The following ADGRL2 variants were observed in gnomAD, a reference collection of about 807,000 sequenced individuals.
The protein encoded by ADGRL2 is calcium-independent alpha-latrotoxin receptor 2.
ADGRL2 carries 44 observed loss-of-function variants against 157.4 expected under a neutral mutation model. The observed-to-expected ratio is 0.28, with a 90% CI of 0.22 to 0.36. ADGRL2 has a LOEUF of 0.36. Among genes scored for constraint, ADGRL2 ranks in the 10% least tolerant of loss-of-function variants. The pLI, the probability that ADGRL2 is intolerant of heterozygous loss-of-function variation, is 1.00. For missense variants in ADGRL2, 1,510 were observed against 1,768.9 expected (o/e 0.85, Z 2.63); for synonymous variants, 585 against 624.7 (o/e 0.94, Z 0.95).
At chr1:81,754,141 C>CT (rs1164790377) in intron 1 of ADGRL2, among the ~76,000 whole-genome samples, 1 of 152,016 alleles carries the variant, frequency 6.6e-6, no homozygotes, top group African/African-American at 2.4e-5. Context: ...GCTTCTTGGA[C>CT]TTAATAGACT....
intron 2 of ADGRL2, among the ~76,000 whole-genome samples, chr1:81,447,490 A>T (rs1156833001): frequency 2.6e-5 from 4 of 152,202 alleles, no homozygotes; most frequent in Admixed American, 6.5e-5. Flanking sequence ...ACTACCTATA[A>T]CCAGCATTTC....
chr1:81,523,874 G>A (rs1329706770), intron 2 of ADGRL2, among the ~76,000 whole-genome samples: 4 of 150,704 alleles, frequency 2.7e-5, no homozygotes, highest in East Asian at 2.0e-4. Flanking sequence ...CCAGCCCAGC[G>A]AAGATAGTGA....
intron 1 of ADGRL2, among the ~76,000 whole-genome samples, chr1:81,830,142 C>A (rs2150070967): frequency 6.6e-6 from 1 of 152,228 alleles, no homozygotes; most frequent in East Asian, 1.9e-4. Flanking sequence ...TTATTAATTT[C>A]TTGAAGGTGG....
At chr1:81,912,939 A>G (rs2094767328) in intron 3 of ADGRL2, among the ~76,000 whole-genome samples, 1 of 152,178 alleles carries the variant, frequency 6.6e-6, no homozygotes, top group South Asian at 2.1e-4. Flanking sequence ...TAAGACCTGA[A>G]TTTATAAAGT....
chr1:81,639,394 A>G (rs1012450398), intron 3 of ADGRL2, among the ~76,000 whole-genome samples: 2 of 152,092 alleles, frequency 1.3e-5, no homozygotes, highest in African/African-American at 4.8e-5. Context: ...AAATATAAAG[A>G]CATATAGATT....
chr1:81,688,391 G>A (rs1207037107), intron 3 of ADGRL2, among the ~76,000 whole-genome samples: 2 of 152,064 alleles, frequency 1.3e-5, no homozygotes, highest in African/African-American at 4.8e-5. Context: ...CTTTGTCTTT[G>A]TTGGGTTGGG....
chr1:81,936,734 C>A lies in ADGRL2; in HGVS notation c.294C>A (p.Asn98Lys). The change falls in exon 4 of 24, where the codon AAC (asparagine) becomes AAA (lysine). Residue 98 changes from asparagine (N) to lysine (K), a missense_variant. Physicochemically the swap from Asn to Lys is moderately conservative, Grantham distance 94. Transcript: ENST00000686636. ...DAFKIMTQRC[N>K]NRTQCIVVTG... ...GATACATTTTGTTTTTCAGGTGCAACAATCGAACACAGTGTATAGTAGTTA... is the reference window on the plus strand; with the variant it reads ...GATACATTTTGTTTTTCAGGTGCAAAAATCGAACACAGTGTATAGTAGTTA... The A allele has an allele frequency of 3.2e-6, 5 of 1,567,534 alleles. No homozygotes were observed. Among genetic ancestry groups the A allele is most frequent in the Non-Finnish European group, 4.4e-6 (5 of 1,146,932 alleles).
At chr1:81,583,040 G>A (rs1178102054) in intron 3 of ADGRL2, among the ~76,000 whole-genome samples, 2 of 152,056 alleles carry the variant, frequency 1.3e-5, no homozygotes, top group African/African-American at 4.8e-5. Flanking sequence ...ATTTCTCACT[G>A]GATATTCTGT....
rs1267513686 is a variant in ADGRL2, at chr1:81,331,446, T to A, written c.-302+24937T>A. ...GAAATATAGACAATGATATATCAAG[T>A]CACAGGCATGATACAGCAATAAATA... On this transcript the variant is annotated intron_variant, in intron 1 of 24. Coordinates refer to the ADGRL2 transcript ENST00000370721. Among the ~76,000 whole-genome samples, 3 of 152,124 alleles carry A rather than the reference T, an allele frequency of 2.0e-5. No homozygotes were observed. In the East Asian group the frequency reaches 5.8e-4, roughly 29 times the overall value.
At chr1:81,527,357 T>G (rs2079484942) in intron 2 of ADGRL2, among the ~76,000 whole-genome samples, 1 of 152,168 alleles carries the variant, frequency 6.6e-6, no homozygotes, top group Non-Finnish European at 1.5e-5. Context: ...AGGGGGAGTC[T>G]CAGGGAGGAG....
At chr1:81,492,114 CTTTG>C (rs1413816215) in intron 2 of ADGRL2, among the ~76,000 whole-genome samples, 1 of 152,154 alleles carries the variant, frequency 6.6e-6, no homozygotes, top group African/African-American at 2.4e-5. Flanking sequence ...TAATTTATAA[CTTTG>C]TTTCTTTCTA....
intron 3 of ADGRL2, among the ~76,000 whole-genome samples, chr1:81,617,575 C>T (rs2081687544): frequency 6.6e-6 from 1 of 152,236 alleles, no homozygotes; most frequent in Admixed American, 6.5e-5. Context: ...CTTTTGAGTA[C>T]TTGCTTTCCA....
In ADGRL2 at chr1:81,691,882, A is replaced by G. The variant is rs188630840; in HGVS notation, c.-142-69929A>G. 2.8e-3 allele frequency among the ~76,000 whole-genome samples: 408 copies of G among 145,912 alleles called. 6 individuals are homozygous for G. Among genetic ancestry groups the G allele is most frequent in the Admixed American group, 0.023 (325 of 14,208 alleles). The stretch of plus-strand genomic sequence containing the variant: ...TATATATATGGGTGTGTGTGTGTGT[A>G]TATATATATATATGTATGTGTATAT... On this transcript the variant is annotated intron_variant, in intron 3 of 24. Coordinates refer to the ADGRL2 transcript ENST00000370721.
chr1:81,677,157 G>A (rs1433345549), intron 3 of ADGRL2, among the ~76,000 whole-genome samples: 1 of 151,912 alleles, frequency 6.6e-6, no homozygotes, highest in African/African-American at 2.4e-5. Context: ...GGCTAATTTT[G>A]TATTTTTAGT....
intron 1 of ADGRL2, among the ~76,000 whole-genome samples, chr1:81,369,239 A>G (rs532115747): frequency 6.6e-6 from 1 of 152,158 alleles, no homozygotes; most frequent in South Asian, 2.1e-4. Context: ...GAGGACAGAA[A>G]GAGAAAATGC....
intron 2 of ADGRL2, among the ~76,000 whole-genome samples, chr1:81,465,658 A>G (rs1054743034): frequency 6.6e-6 from 1 of 152,136 alleles, no homozygotes; most frequent in African/African-American, 2.4e-5. Flanking sequence ...CGTCCCTATG[A>G]TGGTATTTAT....
intron 1 of ADGRL2, among the ~76,000 whole-genome samples, chr1:81,707,555 T>C (rs2083778162): frequency 6.6e-6 from 1 of 152,222 alleles, no homozygotes; most frequent in Non-Finnish European, 1.5e-5. Flanking sequence ...TCAGTCTCCC[T>C]ACCTTATTAG....
At chr1:81,854,541 G>A (rs938689313) in intron 2 of ADGRL2, among the ~76,000 whole-genome samples, 1 of 152,150 alleles carries the variant, frequency 6.6e-6, no homozygotes, top group Non-Finnish European at 1.5e-5. Flanking sequence ...TTTTAGAACT[G>A]TTGATGCTTA....
chr1:81,616,679 C>CTTTTCTTTTCT (rs1491482868), intron 3 of ADGRL2, among the ~76,000 whole-genome samples: 6 of 105,984 alleles, frequency 5.7e-5, no homozygotes, highest in Admixed American at 3.4e-4. Context: ...CTTTTCTTTT[C>CTTTTCTTTTCT]TTTTTTTTTT....
Sources: gnomAD v4.1 joint callset for allele counts (sites outside exome capture counted in the v4.1 genomes callset) on GRCh38, gnomAD v4.1.1 for gene constraint, MANE v1.5 for transcripts, NCBI Gene and HGNC (gene_info 2026-07-23, HGNC 2026-07-21) for gene names.